Variants in SP110 observed in about 807,000 individuals in gnomAD.
SP110 encodes interferon-induced protein 41, 30kD.
A neutral mutation model predicts 92.7 loss-of-function variants in SP110; 62 were observed. That is an observed-to-expected ratio of 0.67 (90% CI 0.55 to 0.83). SP110 has a LOEUF of 0.83. Among genes scored for constraint, SP110 ranks in the 40% least tolerant of loss-of-function variants. SP110 has a pLI of 0.00. For synonymous variants in SP110, 273 were observed against 305.3 expected (o/e 0.89, Z 1.10); for missense variants, 793 against 863.9 (o/e 0.92, Z 1.03).
rs947349988 is a variant in SP110 at position 230,216,995 on chromosome 2, C to T, written c.-1-67G>A. On this transcript the variant is annotated intron_variant, in intron 1 of 18. Coordinates refer to ENST00000258381, the MANE Select transcript of SP110 (RefSeq NM_080424.4). ...GCGCGGTGGCTCATGCCTGTAATCCCGGCACTTTGGGAGGCCGAGGTGGGT... is the reference window on the plus strand; with the variant it reads ...GCGCGGTGGCTCATGCCTGTAATCCTGGCACTTTGGGAGGCCGAGGTGGGT... 5.3e-5 allele frequency: 77 copies of T among 1,465,858 alleles called. No homozygotes were observed. The Middle Eastern group carries it at 1.7e-3, about 32-fold the overall frequency. 90.8% of individuals were successfully genotyped at this position (1,465,858 alleles called of 1,614,324 possible).
At chr2:230,176,373 G>T in intron 14 of SP110, 1 of 1,011,168 alleles carries the variant, frequency 9.9e-7, no homozygotes, top group Non-Finnish European at 1.3e-6. Context: ...TAGAGATGGG[G>T]TCTTGCTATG....
chr2:230,208,114 ATGTCAATGATATTCAGCT>A lies in SP110; in HGVS notation c.830-73_830-56del, dbSNP rs2044079453. On this transcript the variant is annotated intron_variant, in intron 7 of 18. Coordinates refer to ENST00000258381, the MANE Select transcript of SP110 (RefSeq NM_080424.4). ...ACAAACATTGATCTCCCAATCTTGT[ATGTCAATGATATTCAGCT>A]TTTACTTTTGGTCTTCAAACCACAT... 9.1e-6 allele frequency: 9 copies of A among 993,378 alleles called. No homozygotes were observed. In the East Asian group the frequency reaches 2.1e-4, roughly 24 times the overall value. 61.5% of individuals were successfully genotyped at this position (993,378 alleles called of 1,614,324 possible). A position where few individuals can be genotyped will look rare whatever the true frequency, so the allele number is the denominator to read the frequency against.
chr2:230,220,649 C>T (rs1037248250), upstream of SP110, among the ~76,000 whole-genome samples: 7 of 152,026 alleles, frequency 4.6e-5, no homozygotes, highest in South Asian at 2.1e-4. Context: ...GCAGGGACAC[C>T]CCTTCTCATG....
chr2:230,189,863 G>T (rs976944902), intron 10 of SP110, among the ~76,000 whole-genome samples: 3 of 152,164 alleles, frequency 2.0e-5, no homozygotes, highest in Non-Finnish European at 4.4e-5. Flanking sequence ...TACCTGCAAA[G>T]GACATGATCT....
intron 14 of SP110, among the ~76,000 whole-genome samples, chr2:230,174,980 A>C (rs1461395430): frequency 1.3e-5 from 2 of 152,200 alleles, no homozygotes; most frequent in African/African-American, 4.8e-5. Flanking sequence ...GACATGTGGC[A>C]TTAGGAGAGT....
chr2:230,222,144 C>T (rs748639982), upstream of SP110, among the ~76,000 whole-genome samples: 5 of 151,484 alleles, frequency 3.3e-5, no homozygotes, highest in East Asian at 3.9e-4. Flanking sequence ...GCATGAGAAT[C>T]GCTTGAACTC....
intron 18 of SP110, among the ~76,000 whole-genome samples, chr2:230,169,931 G>A (rs1307481378): frequency 1.3e-5 from 2 of 152,154 alleles, no homozygotes; most frequent in South Asian, 2.1e-4. Context: ...CTCCATGAAT[G>A]GGTACCAGTT....
intron 2 of SP110, among the ~76,000 whole-genome samples, chr2:230,215,556 C>T (rs1332467358): frequency 6.6e-6 from 1 of 152,250 alleles, no homozygotes; most frequent in African/African-American, 2.4e-5. Flanking sequence ...CTCTCTGTGT[C>T]TCTCAAACTT....
chr2:230,199,229 GACAGAGTCT>G (rs755061625), intron 10 of SP110, among the ~76,000 whole-genome samples: 17 of 94,262 alleles, frequency 1.8e-4, no homozygotes, highest in Non-Finnish European at 3.1e-4. Context: ...TTTTTTTTGA[GACAGAGTCT>G]CACTCTGTCA....
At chr2:230,201,064 T>C (rs778962666) in intron 9 of SP110, 99 bp from the exon 10 acceptor site, 1 of 917,242 alleles carries the variant, frequency 1.1e-6, no homozygotes, top group Admixed American at 1.7e-5. Context: ...AGTTGAGTCT[T>C]GGAGGCTCCA....
intron 18 of SP110, among the ~76,000 whole-genome samples, chr2:230,170,384 A>G (rs13004065): frequency 0.43 from 64,562 of 151,592 alleles, 13,930 homozygotes; most frequent in Middle Eastern, 0.52. Flanking sequence ...ATCTGGGAAC[A>G]GAGCATGGTT....
chr2:230,219,388 C>CA lies in SP110; in HGVS notation c.-2+485dup, dbSNP rs201990571. Among the ~76,000 whole-genome samples the CA allele has an allele frequency of 5.1e-4, 78 of 152,318 alleles. 2 individuals carry two copies. The East Asian group carries it at 0.014, about 28-fold the overall frequency. ...ATGTTCTGAAGGCTGATTTAGTAAT[C>CA]AGTGTCAAATGTCCTAAAACATGTG... On this transcript the variant is annotated intron_variant, in intron 1 of 18. Coordinates refer to ENST00000258381, the MANE Select transcript of SP110 (RefSeq NM_080424.4).
intron 10 of SP110, among the ~76,000 whole-genome samples, chr2:230,190,101 T>C (rs2042543780): frequency 6.6e-6 from 1 of 152,254 alleles, no homozygotes; most frequent in African/African-American, 2.4e-5. Flanking sequence ...ATGGTATTTC[T>C]GGTTCTACAT....
intron 14 of SP110, chr2:230,173,987 A>C (rs2041734066): frequency 6.6e-6 from 1 of 152,194 alleles, no homozygotes; most frequent in Non-Finnish European, 1.5e-5. Context: ...ACTGCATCTG[A>C]CATTCTCTAG....
At chr2:230,218,705 G>A (rs1397590147) in intron 1 of SP110, among the ~76,000 whole-genome samples, 1 of 152,208 alleles carries the variant, frequency 6.6e-6, no homozygotes, top group Non-Finnish European at 1.5e-5. Context: ...CAGTGGCAAA[G>A]CAGAGCTTGT....
intron 8 of SP110, among the ~76,000 whole-genome samples, chr2:230,206,966 TCC>T (rs2043932204): frequency 6.6e-6 from 1 of 152,106 alleles, no homozygotes; most frequent in African/African-American, 2.4e-5. Context: ...GAGTGGTCTT[TCC>T]CTAGGTATTT....
At chr2:230,220,656 C>T (rs1461637767), upstream of SP110, among the ~76,000 whole-genome samples, 1 of 152,134 alleles carries the variant, frequency 6.6e-6, no homozygotes, top group Non-Finnish European at 1.5e-5. Context: ...CACCCCTTCT[C>T]ATGCCCCTTT....
intron 4 of SP110, 109 bp downstream of exon 4, chr2:230,212,652 C>A: frequency 7.0e-7 from 1 of 1,434,064 alleles, no homozygotes; most frequent in Non-Finnish European, 9.8e-7. Flanking sequence ...TAGATGGGTG[C>A]AAGAGAAGAA....
At chr2:230,175,383 G>GT (rs1447092348) in intron 14 of SP110, among the ~76,000 whole-genome samples, 3 of 135,462 alleles carry the variant, frequency 2.2e-5, no homozygotes, top group South Asian at 2.4e-4. Context: ...TATAAGAAAA[G>GT]TTTAAAAAAA....
Sources: gnomAD v4.1 joint callset for allele counts (sites outside exome capture counted in the v4.1 genomes callset) on GRCh38, gnomAD v4.1.1 for gene constraint, MANE v1.5 for transcripts, NCBI Gene and HGNC (gene_info 2026-07-23, HGNC 2026-07-21) for gene names.